Variants in DNAJB4 observed in about 807,000 individuals in gnomAD.
The protein encoded by DNAJB4 is dnaJ homolog subfamily B member 4.
DNAJB4 carries 10 observed loss-of-function variants against 26.6 expected under a neutral mutation model. The ratio of observed to expected loss-of-function variants is 0.38; its 90% CI spans 0.23 to 0.64. The LOEUF (loss-of-function observed/expected upper bound fraction) is 0.64. DNAJB4 is among the 30% of genes least tolerant of loss of function. The probability of loss-of-function intolerance (pLI) is 0.58; values close to 1 mark genes in which losing one functional copy is unlikely to be tolerated. For missense variants in DNAJB4, 328 were observed against 408.2 expected (o/e 0.80, Z 1.69); for synonymous variants, 136 against 134.8 (o/e 1.01, Z -0.06).
intron 1 of DNAJB4, among the ~76,000 whole-genome samples, chr1:77,996,235 C>A (rs61778903): frequency 0.019 from 2,870 of 151,828 alleles, 39 homozygotes; most frequent in Non-Finnish European, 0.028. Flanking sequence ...TCACCTGCAG[C>A]CTTGACCTCC....
chr1:77,997,946 C>G lies in DNAJB4; in HGVS notation c.-31-7134C>G, dbSNP rs141752623. 6.2e-3 allele frequency among the ~76,000 whole-genome samples: 942 copies of G among 152,172 alleles called. 10 individuals are homozygous for G. The highest frequency in any genetic ancestry group is 0.021 in the African/African-American group (887 of 41,520). ...GAGACCACAGGTGCACGCCACCATG[C>G]CCAGCTAATTTTGTATTTTCACGGG... On this transcript the variant is annotated intron_variant, in intron 1 of 2. Coordinates refer to the DNAJB4 transcript ENST00000426517.
Position 78,005,100 on chromosome 1 carries a change from A to G in DNAJB4, c.-11A>G. ...CAAAGGGAAATCTAAGTTAATTTCA[A>G]GGCATTCGAAATGGGGAAAGACTAT... On this transcript the variant is annotated 5_prime_UTR_variant, in exon 1 of 3. Transcript: ENST00000370763. The G allele has an allele frequency of 1.2e-6, 2 of 1,609,326 alleles. No individual in the cohort carries two copies.
At chr1:78,001,170 C>T (rs1411218655), upstream of DNAJB4, among the ~76,000 whole-genome samples, 1 of 151,742 alleles carries the variant, frequency 6.6e-6, no homozygotes, top group Non-Finnish European at 1.5e-5. Flanking sequence ...CATAGTGAGA[C>T]CTGGTCTCTA....
chr1:77,987,801 A>G (rs1659828984), intron 1 of DNAJB4, among the ~76,000 whole-genome samples: 5 of 151,926 alleles, frequency 3.3e-5, no homozygotes, highest in Admixed American at 3.3e-4. Context: ...GGTCCAAACC[A>G]CCTGAATATA....
upstream of DNAJB4, among the ~76,000 whole-genome samples, chr1:78,001,100 C>A (rs1327446244): frequency 6.6e-6 from 1 of 152,036 alleles, no homozygotes; most frequent in African/African-American, 2.4e-5. Context: ...ATCCCAGGAT[C>A]TTGGGAGGTC....
At chr1:77,982,574 G>A (rs1659679879) in intron 1 of DNAJB4, among the ~76,000 whole-genome samples, 1 of 152,142 alleles carries the variant, frequency 6.6e-6, no homozygotes, top group Admixed American at 6.5e-5. Flanking sequence ...GAGGCGGGTG[G>A]ATCACCTAAG....
At chr1:77,979,375 T>G, upstream of DNAJB4, 1 of 227,262 alleles carries the variant, frequency 4.4e-6, no homozygotes, top group Non-Finnish European at 8.7e-6. Flanking sequence ...GTGGGAAGCC[T>G]GAAGAAAAGG....
intron 1 of DNAJB4, among the ~76,000 whole-genome samples, chr1:77,988,248 C>T (rs756619428): frequency 6.6e-6 from 1 of 152,084 alleles, no homozygotes; most frequent in Non-Finnish European, 1.5e-5. Context: ...GTCTGAAACT[C>T]GTGGCCTCAA....
rs1210331496 is a variant in DNAJB4, at chr1:78,017,608, A to G, written c.*1361A>G. Reference sequence around the variant, plus strand: ...ACAATCATCATCACTTTCTAATTCCAGAATATTTTCATCACCCCAAAAAGA... The same window carrying G: ...ACAATCATCATCACTTTCTAATTCCGGAATATTTTCATCACCCCAAAAAGA... On this transcript the variant is annotated 3_prime_UTR_variant, in exon 3 of 3. Transcript: ENST00000370763. 1 of 152,062 alleles carries G rather than the reference A, an allele frequency of 6.6e-6. No homozygotes were observed. 9.4% of individuals were successfully genotyped at this position (152,062 alleles called of 1,614,324 possible).
chr1:77,982,490 C>G (rs1439064795), intron 1 of DNAJB4, among the ~76,000 whole-genome samples: 1 of 152,178 alleles, frequency 6.6e-6, no homozygotes, highest in Non-Finnish European at 1.5e-5. Flanking sequence ...TTTATTTATT[C>G]AGTGGTTACC....
chr1:78,003,510 G>A (rs547504328), upstream of DNAJB4, among the ~76,000 whole-genome samples: 5 of 152,054 alleles, frequency 3.3e-5, no homozygotes, highest in Admixed American at 3.3e-4. Flanking sequence ...TAGAGTAGGC[G>A]TTCTCATTTC....
At chr1:77,990,942 C>T (rs564859219) in intron 1 of DNAJB4, among the ~76,000 whole-genome samples, 3 of 152,252 alleles carry the variant, frequency 2.0e-5, no homozygotes, top group South Asian at 4.1e-4. Flanking sequence ...AACAGGACCC[C>T]GCTGGTTACA....
At chr1:77,980,773 A>C (rs1036268510) in intron 1 of DNAJB4, among the ~76,000 whole-genome samples, 1 of 152,210 alleles carries the variant, frequency 6.6e-6, no homozygotes, top group African/African-American at 2.4e-5. Flanking sequence ...GAATGTAGAT[A>C]CAGGTGAGCC....
At chr1:77,994,395 C>CAA (rs1216714137) in intron 1 of DNAJB4, among the ~76,000 whole-genome samples, 3 of 61,764 alleles carry the variant, frequency 4.9e-5, no homozygotes, top group Admixed American at 1.9e-4. Context: ...AAGACTGTCT[C>CAA]AAAAAAAAAA....
intron 1 of DNAJB4, among the ~76,000 whole-genome samples, chr1:78,010,383 TA>T (rs572371498): frequency 3.1e-4 from 46 of 148,592 alleles, no homozygotes; most frequent in Middle Eastern, 3.4e-3. Context: ...ATTCTATCAT[TA>T]AAAAAAAAAT....
intron 1 of DNAJB4, among the ~76,000 whole-genome samples, chr1:77,982,031 GAT>G (rs756921118): frequency 2.6e-5 from 4 of 152,200 alleles, no homozygotes; most frequent in African/African-American, 4.8e-5. Flanking sequence ...AATAATGTTA[GAT>G]TGAAAGTTTG....
upstream of DNAJB4, among the ~76,000 whole-genome samples, chr1:78,002,725 A>G (rs1660220865): frequency 6.6e-6 from 1 of 152,172 alleles, no homozygotes; most frequent in Non-Finnish European, 1.5e-5. Flanking sequence ...TAATACAACA[A>G]TCGCGTAAAT....
chr1:77,982,524 A>G (rs1012866764), intron 1 of DNAJB4, among the ~76,000 whole-genome samples: 2 of 67,708 alleles, frequency 3.0e-5, no homozygotes, highest in Admixed American at 1.3e-4. Flanking sequence ...GGGAGCTTTT[A>G]AAAAATATGA....
chr1:77,988,029 A>G (rs1477769294), intron 1 of DNAJB4, among the ~76,000 whole-genome samples: 2 of 116,744 alleles, frequency 1.7e-5, no homozygotes, highest in Non-Finnish European at 3.4e-5. Context: ...GTGTGTGTGT[A>G]TTTCCCCCCC....
Sources: gnomAD v4.1 joint callset for allele counts (sites outside exome capture counted in the v4.1 genomes callset) on GRCh38, gnomAD v4.1.1 for gene constraint, MANE v1.5 for transcripts, NCBI Gene and HGNC (gene_info 2026-07-23, HGNC 2026-07-21) for gene names.